HDAC9: variants seen among roughly 807,000 people sequenced by gnomAD.
HDAC9 encodes the protein histone deacetylase 9.
In HDAC9, 41 loss-of-function variants were observed where a neutral mutation model predicts 139.4. The ratio of observed to expected loss-of-function variants is 0.29; its 90% confidence interval spans 0.23 to 0.38. The LOEUF (loss-of-function observed/expected upper bound fraction) is 0.38, where lower values mean the gene tolerates loss of function less well. Among genes scored for constraint, HDAC9 ranks in the 10% least tolerant of loss-of-function variants. The pLI is 1.00. For synonymous variants in HDAC9, 517 were observed against 476.2 expected (o/e 1.09, Z -1.12); for missense variants, 1,147 against 1,297.0 (o/e 0.88, Z 1.78).
chr7:18,663,158 G>A (rs1793733775), intron 11 of HDAC9, among the ~76,000 whole-genome samples: 1 of 152,044 alleles, frequency 6.6e-6, no homozygotes, highest in African/African-American at 2.4e-5. Context: ...AGAGCCAGAA[G>A]AAAGGAATGA....
At chr7:18,135,797 T>C (rs1785367576) in intron 1 of HDAC9, among the ~76,000 whole-genome samples, 1 of 149,160 alleles carries the variant, frequency 6.7e-6, no homozygotes. Context: ...GCATGACTTA[T>C]AGTCCTTTGG....
chr7:18,764,270 T>C (rs1233175334), intron 15 of HDAC9, among the ~76,000 whole-genome samples: 2 of 152,176 alleles, frequency 1.3e-5, no homozygotes, highest in African/African-American at 4.8e-5. Context: ...ATTTTGAACA[T>C]ATGATGTGAA....
At position 18,547,219 on chromosome 7, in the gene HDAC9, A is replaced by G. The variant is rs186468957; in HGVS notation, c.23-38062A>G. Among the ~76,000 whole-genome samples the G allele has an allele frequency of 3.1e-3, 478 of 152,208 alleles. 4 individuals are homozygous for G. The highest frequency in any genetic ancestry group is 0.011 in the African/African-American group (460 of 41,554). ...CAATCAGGGTGGTGGTTGCTGAAGGATAGGGTGACTCTGACACTTTCTTTT... is the reference window on the plus strand; with the variant it reads ...CAATCAGGGTGGTGGTTGCTGAAGGGTAGGGTGACTCTGACACTTTCTTTT... On this transcript the variant is annotated intron_variant, in intron 2 of 25. Transcript: ENST00000686413.
intron 1 of HDAC9, among the ~76,000 whole-genome samples, chr7:18,394,736 G>A (rs1216450480): frequency 6.6e-6 from 1 of 152,094 alleles, no homozygotes; most frequent in Non-Finnish European, 1.5e-5. Flanking sequence ...GTACTCTGGA[G>A]ATTTACCATG....
intron 1 of HDAC9, among the ~76,000 whole-genome samples, chr7:18,329,653 G>T (rs79410189): frequency 6.6e-6 from 1 of 151,538 alleles, no homozygotes; most frequent in South Asian, 2.1e-4. Context: ...CAAAAGTGAT[G>T]TGCCTGTCAG....
intron 1 of HDAC9, among the ~76,000 whole-genome samples, chr7:18,112,010 T>C (rs1305642851): frequency 6.6e-6 from 1 of 152,230 alleles, no homozygotes; most frequent in African/African-American, 2.4e-5. Context: ...AAATAGCCAT[T>C]AGTAAAAATT....
chr7:18,338,948 A>G (rs1209333760), intron 1 of HDAC9, among the ~76,000 whole-genome samples: 1 of 151,528 alleles, frequency 6.6e-6, no homozygotes, highest in Admixed American at 6.6e-5. Flanking sequence ...TTTAATAAAT[A>G]TCGTGCTATT....
intron 1 of HDAC9, among the ~76,000 whole-genome samples, chr7:18,098,652 G>A (rs1217195998): frequency 2.0e-5 from 3 of 152,024 alleles, no homozygotes; most frequent in Non-Finnish European, 4.4e-5. Context: ...AGGCAGTTTT[G>A]TCTATACTAG....
intron 25 of HDAC9, among the ~76,000 whole-genome samples, chr7:18,991,651 A>G (rs1353239785): frequency 2.4e-4 from 36 of 152,176 alleles, no homozygotes; most frequent in Admixed American, 2.4e-3. Flanking sequence ...GAAAAAAAAA[A>G]AAAAGAAGTC....
intron 6 of HDAC9, among the ~76,000 whole-genome samples, chr7:18,609,036 A>G (rs1726600): frequency 0.91 from 138,197 of 152,210 alleles, 62,819 homozygotes; most frequent in South Asian, 0.97. Flanking sequence ...TAAGCCTTCA[A>G]TATCTTTATT....
intron 6 of HDAC9, among the ~76,000 whole-genome samples, chr7:18,612,224 G>C (rs1053171942): frequency 1.3e-5 from 2 of 151,970 alleles, no homozygotes; most frequent in Non-Finnish European, 2.9e-5. Context: ...TTACAAAAGG[G>C]ATCTTTTGTT....
chr7:18,385,225 A>G (rs1231775817), intron 1 of HDAC9, among the ~76,000 whole-genome samples: 1 of 152,202 alleles, frequency 6.6e-6, no homozygotes, highest in African/African-American at 2.4e-5. Context: ...AACACATTAC[A>G]GCTCCAGATA....
intron 25 of HDAC9, among the ~76,000 whole-genome samples, chr7:18,976,304 A>G (rs1013828069): frequency 6.6e-6 from 1 of 152,182 alleles, no homozygotes; most frequent in African/African-American, 2.4e-5. Flanking sequence ...GTTTTTCCAG[A>G]TGTTCTTTTT....
intron 6 of HDAC9, among the ~76,000 whole-genome samples, chr7:18,602,517 C>T (rs946869797): frequency 6.6e-6 from 1 of 150,728 alleles, no homozygotes; most frequent in Non-Finnish European, 1.5e-5. Flanking sequence ...TATTTTTCCT[C>T]TATTTTTTTT....
intron 2 of HDAC9, among the ~76,000 whole-genome samples, chr7:18,237,880 G>A (rs1056853977): frequency 1.3e-5 from 2 of 152,176 alleles, no homozygotes; most frequent in African/African-American, 2.4e-5. Flanking sequence ...TGGAGTTGGT[G>A]TAGTATTCTT....
chr7:18,383,731 A>G lies in HDAC9; in HGVS notation c.-42+93216A>G, dbSNP rs569995846. On this transcript the variant is annotated intron_variant, in intron 1 of 3. Coordinates refer to the HDAC9 transcript ENST00000413509. ...CCCCGTCTCTACTAAAAAAAAAAAA[A>G]TACAAAAAATTAGCCGGCGTGGTGG... Among the ~76,000 whole-genome samples the G allele has an allele frequency of 2.6e-5, 4 of 151,672 alleles. No homozygotes were observed. The South Asian group carries it at 8.4e-4, about 32-fold the overall frequency.
At chr7:18,894,236 A>G (rs1800964406) in intron 22 of HDAC9, among the ~76,000 whole-genome samples, 1 of 152,150 alleles carries the variant, frequency 6.6e-6, no homozygotes, top group African/African-American at 2.4e-5. Context: ...TATAGACGCT[A>G]TTTAAAGCCG....
At chr7:18,743,063 A>G (rs1168453753) in intron 13 of HDAC9, among the ~76,000 whole-genome samples, 2 of 152,170 alleles carry the variant, frequency 1.3e-5, no homozygotes, top group South Asian at 2.1e-4. Context: ...TCCGTAGTAT[A>G]TTCTCAACGG....
intron 25 of HDAC9, among the ~76,000 whole-genome samples, chr7:18,984,171 C>T (rs938882282): frequency 2.0e-5 from 3 of 152,078 alleles, no homozygotes; most frequent in East Asian, 1.9e-4. Flanking sequence ...ATAGAATCTG[C>T]ATCCCTTTGG....
Sources: gnomAD v4.1 joint callset for allele counts (sites outside exome capture counted in the v4.1 genomes callset) on GRCh38, gnomAD v4.1.1 for gene constraint, MANE v1.5 for transcripts, NCBI Gene and HGNC (gene_info 2026-07-23, HGNC 2026-07-21) for gene names.